The following KRT78 variants were observed in gnomAD, a reference collection of about 807,000 sequenced individuals.
KRT78 encodes the protein keratin, type II cytoskeletal 78.
Under a neutral mutation model 51.4 loss-of-function variants are expected in KRT78, and 55 were observed. The observed-to-expected ratio is 1.07, with a 90% CI of 0.86 to 1.34. The LOEUF is 1.34. Among genes scored for constraint, KRT78 ranks in the 40% most tolerant of loss-of-function variants. The pLI is 0.00. For synonymous variants in KRT78, 291 were observed against 264.3 expected (o/e 1.10, Z -0.98); for missense variants, 652 against 649.4 (o/e 1.00, Z -0.04).
rs956892786 is a variant in KRT78 at position 52,837,840 on chromosome 12, G to A, written c.*1273C>T. ...AAAGTCAATTTAATTGAACTACCTT[G>A]GATGAATTTAGTTTCCTTCTGGGAT... On this transcript the variant is annotated 3_prime_UTR_variant, in exon 9 of 9. Coordinates refer to ENST00000304620, the MANE Select transcript of KRT78 (RefSeq NM_173352.4). The A allele has an allele frequency of 6.6e-6, 1 of 152,218 alleles. No individual in the cohort carries two copies. Among genetic ancestry groups the A allele is most frequent in the African/African-American group, 2.4e-5 (1 of 41,444 alleles). The allele number at this position is 152,218 out of a possible 1,614,324, so 9.4% of individuals were successfully genotyped here.
chr12:52,840,531 T>C (rs999220470), intron 6 of KRT78, among the ~76,000 whole-genome samples: 1 of 151,842 alleles, frequency 6.6e-6, no homozygotes, highest in African/African-American at 2.4e-5. Context: ...TAAAACCCCA[T>C]CTCTACTAAA....
chr12:52,847,722 C>G (rs1371002422), intron 2 of KRT78, among the ~76,000 whole-genome samples, 185 bp downstream of exon 2: 1 of 152,130 alleles, frequency 6.6e-6, no homozygotes, highest in East Asian at 1.9e-4. Flanking sequence ...GACTGCGGGA[C>G]ACCTCGTTTA....
At position 52,839,122 on chromosome 12, in the gene KRT78, G is replaced by A. The variant is rs1940414572; in HGVS notation, c.1554C>T (p.Ile518=). The A allele has an allele frequency of 1.9e-6, 3 of 1,612,980 alleles. No individual in the cohort carries two copies. Among genetic ancestry groups the A allele is most frequent in the East Asian group, 4.5e-5 (2 of 44,876 alleles). ...KTVESSLKTS[I]TY is the part of the protein sequence containing the mutation. ...GTGGCTGCTGGGTCGCTCAGTAGGTGATGGATGTCTTCAGACTCGACTCAA... is the reference window on the plus strand; with the variant it reads ...GTGGCTGCTGGGTCGCTCAGTAGGTAATGGATGTCTTCAGACTCGACTCAA... Residue 518 remains isoleucine (I), a synonymous_variant, in exon 9 of 9, where the codon ATC becomes ATT. Coordinates refer to ENST00000304620, the MANE Select transcript of KRT78 (RefSeq NM_173352.4).
At chr12:52,841,813 C>A (rs566124852) in intron 6 of KRT78, among the ~76,000 whole-genome samples, 5 of 152,330 alleles carry the variant, frequency 3.3e-5, no homozygotes, top group Admixed American at 2.6e-4. Context: ...AGGAGGGATT[C>A]TCCTGGGAAA....
At position 52,838,015 on chromosome 12, in the gene KRT78, G is replaced by A. The variant is rs1370844263; in HGVS notation, c.*1098C>T. 2 of 152,120 alleles carry A rather than the reference G, an allele frequency of 1.3e-5. No individual in the cohort carries two copies. The highest frequency in any genetic ancestry group is 2.9e-5 in the Non-Finnish European group (2 of 68,026). 9.4% of individuals were successfully genotyped at this position (152,120 alleles called of 1,614,324 possible). On this transcript the variant is annotated 3_prime_UTR_variant, in exon 9 of 9. Coordinates refer to ENST00000304620, the MANE Select transcript of KRT78 (RefSeq NM_173352.4). ...CTGGGATTCAAGCCACATCCTCACC[G>A]GCTCTGGTCTCCTTCACACAAAGCT... is the stretch of plus-strand genomic sequence containing the variant.
At chr12:52,847,863 C>G (rs576358542) in intron 2 of KRT78, 44 bp downstream of exon 2, 1 of 1,581,306 alleles carries the variant, frequency 6.3e-7, no homozygotes, top group African/African-American at 1.3e-5. Context: ...CTGAGTCATC[C>G]CAGACCCCGC....
intron 5 of KRT78, 94 bp from the exon 6 acceptor site, chr12:52,844,312 T>C: frequency 7.1e-7 from 1 of 1,415,544 alleles, no homozygotes; most frequent in Non-Finnish European, 9.6e-7. Context: ...ACTCCTTATT[T>C]GGAGTGTGGG....
In KRT78 at chr12:52,848,924, G is replaced by C. The variant is rs746018631; in HGVS notation, c.7C>G (p.Leu3Val). The change falls in exon 1 of 9, where the codon CTC becomes GTC. Residue 3 changes from leucine to valine, a missense_variant. Physicochemically the swap from Leu to Val is conservative, Grantham distance 32 (BLOSUM62 1). Transcript: ENST00000304620. Reference protein sequence around the residue: MSLSPCRAQRGFS... With the variant: MSVSPCRAQRGFS... The stretch of plus-strand genomic sequence containing the variant: ...CCCCTCTGGGCCCGGCATGGGGAGA[G>C]AGACATGGCAGAGACAGACAGTCAC... The C allele has an allele frequency of 6.4e-6, 10 of 1,555,570 alleles. No individual in the cohort carries two copies. In the South Asian group the frequency reaches 9.7e-5, roughly 15 times the overall value.
intron 6 of KRT78, 67 bp from the exon 7 acceptor site, chr12:52,840,051 C>T: frequency 8.9e-7 from 1 of 1,122,526 alleles, no homozygotes; most frequent in Non-Finnish European, 1.3e-6. Context: ...AAAGCACCCA[C>T]TGTGGATATC....
In KRT78 at chr12:52,839,034, C is replaced by T; in HGVS notation, c.*79G>A. The T allele has an allele frequency of 2.6e-6, 4 of 1,520,438 alleles. No individual in the cohort carries two copies. The highest frequency in any genetic ancestry group is 3.5e-6 in the Non-Finnish European group (4 of 1,128,324). 94.2% of individuals were successfully genotyped at this position (1,520,438 alleles called of 1,614,324 possible). A position where few individuals can be genotyped will look rare whatever the true frequency, so the allele number is the denominator to read the frequency against. Reference sequence around the variant, plus strand: ...GCTGGCTTGGGCTGTGGGCAGCGGACACGGAGTTGGCCTTGCAGAGCCGGC... The same window carrying T: ...GCTGGCTTGGGCTGTGGGCAGCGGATACGGAGTTGGCCTTGCAGAGCCGGC... On this transcript the variant is annotated 3_prime_UTR_variant, in exon 9 of 9. Transcript: ENST00000304620.
chr12:52,843,019 AGG>A (rs1940547283), intron 6 of KRT78, among the ~76,000 whole-genome samples: 1 of 50,568 alleles, frequency 2.0e-5, no homozygotes, highest in African/African-American at 9.6e-5. Flanking sequence ...GGAGGGAGGG[AGG>A]GAGGGAGGGA....
chr12:52,842,953 GAGAGAGAGGA>G (rs1565698683), intron 6 of KRT78, among the ~76,000 whole-genome samples: 2 of 108,984 alleles, frequency 1.8e-5, no homozygotes, highest in African/African-American at 5.0e-5. Context: ...GAGAGAGAGA[GAGAGAGAGGA>G]AGGAAGGAAG....
In KRT78 at chr12:52,846,179, C is replaced by T. The variant is rs571858414; in HGVS notation, c.756+18G>A. On this transcript the variant is annotated intron_variant, in intron 4 of 8. Transcript: ENST00000304620. Reference sequence around the variant, plus strand: ...GTCCTCTCTCTTGGCTGCAGCCTGCCCTTTGGTTGAGCCTCACTTCTTCAT... The same window carrying T: ...GTCCTCTCTCTTGGCTGCAGCCTGCTCTTTGGTTGAGCCTCACTTCTTCAT... The T allele has an allele frequency of 7.0e-6, 11 of 1,581,814 alleles. No individual in the cohort carries two copies. In the Admixed American group the frequency reaches 1.5e-4, roughly 22 times the overall value.
chr12:52,846,679 C>A, intron 3 of KRT78, 85 bp downstream of exon 3: 1 of 1,234,540 alleles, frequency 8.1e-7, no homozygotes, highest in Non-Finnish European at 1.2e-6. Context: ...TCAGGACCTC[C>A]CACCTTTTCC....
At chr12:52,844,479 C>A in intron 5 of KRT78, 80 bp downstream of exon 5, 1 of 1,499,404 alleles carries the variant, frequency 6.7e-7, no homozygotes, top group Non-Finnish European at 9.1e-7. Context: ...CCAATGGGAT[C>A]GAGGTGGATG....
At position 52,844,172 on chromosome 12, in the gene KRT78, T is replaced by C. The variant is rs748810443; in HGVS notation, c.968A>G (p.Gln323Arg). ...VSAQLHGDRM[Q>R]ETKVQISQLH... ...CTGAGAGATCTGGACTTTCGTTTCCTGCATCCTGTCCCCATGAAGCTGGGC... is the reference window on the plus strand; with the variant it reads ...CTGAGAGATCTGGACTTTCGTTTCCCGCATCCTGTCCCCATGAAGCTGGGC... The change falls in exon 6 of 9, where the codon CAG (glutamine) becomes CGG (arginine). Residue 323 changes from glutamine to arginine, a missense_variant. Coordinates refer to ENST00000304620, the MANE Select transcript of KRT78 (RefSeq NM_173352.4). The C allele has an allele frequency of 1.2e-5, 19 of 1,611,738 alleles. No homozygotes were observed. In the East Asian group the frequency reaches 2.7e-4, roughly 23 times the overall value.
At position 52,837,821 on chromosome 12, in the gene KRT78, A is replaced by C. The variant is rs1283789404; in HGVS notation, c.*1292T>G. 6.6e-6 allele frequency: 1 copy of C among 152,242 alleles called. No individual in the cohort carries two copies. Among genetic ancestry groups the C allele is most frequent in the African/African-American group, 2.4e-5 (1 of 41,462 alleles). 9.4% of individuals were successfully genotyped at this position (152,242 alleles called of 1,614,324 possible). On this transcript the variant is annotated 3_prime_UTR_variant, in exon 9 of 9. Coordinates refer to ENST00000304620, the MANE Select transcript of KRT78 (RefSeq NM_173352.4). ...GGAAATTATACTTTTTCAAAAAGTC[A>C]ATTTAATTGAACTACCTTGGATGAA...
Position 52,839,924 on chromosome 12 carries a change from C to T in KRT78, c.1108G>A (p.Asp370Asn). 1.2e-6 allele frequency: 2 copies of T among 1,614,078 alleles called. No individual in the cohort carries two copies. Among genetic ancestry groups the T allele is most frequent in the Admixed American group, 1.7e-5 (1 of 60,020 alleles). Reference protein sequence around the residue: ...AEQRGELALKDAQAKVDELEA... With the variant: ...AEQRGELALKNAQAKVDELEA... The stretch of plus-strand genomic sequence containing the variant: ...AGCTCGTCCACCTTGGCCTGAGCGT[C>T]CTTGAGGGCCAGCTCCCCACGCTGC... The change falls in exon 7 of 9, where the codon GAC (aspartate) becomes AAC (asparagine). Residue 370 changes from aspartate to asparagine, a missense_variant. Asp to Asn is a conservative substitution (Grantham distance 23). Coordinates refer to ENST00000304620, the MANE Select transcript of KRT78 (RefSeq NM_173352.4).
intron 4 of KRT78, among the ~76,000 whole-genome samples, chr12:52,845,213 C>T (rs529175217): frequency 3.3e-5 from 5 of 152,148 alleles, no homozygotes; most frequent in African/African-American, 7.2e-5. Flanking sequence ...CAGCGTTTCA[C>T]TAGGCTGGTC....
Sources: gnomAD v4.1 joint callset for allele counts (sites outside exome capture counted in the v4.1 genomes callset) on GRCh38, gnomAD v4.1.1 for gene constraint, MANE v1.5 for transcripts, NCBI Gene and HGNC (gene_info 2026-07-23, HGNC 2026-07-21) for gene names.